Variants in PTK2 observed in about 807,000 individuals in gnomAD.
PTK2 encodes protein tyrosine kinase 2.
In PTK2, 45 loss-of-function variants were observed where a neutral mutation model predicts 150.1. That is an observed-to-expected ratio of 0.30 (90% CI 0.24 to 0.38). The LOEUF is 0.38. PTK2 is among the 10% of genes least tolerant of loss of function. PTK2 has a pLI of 1.00. For synonymous variants in PTK2, 432 were observed against 449.2 expected (o/e 0.96, Z 0.48); for missense variants, 919 against 1,307.3 (o/e 0.70, Z 4.58).
At chr8:140,809,974 C>A (rs2100100472) in intron 10 of PTK2, among the ~76,000 whole-genome samples, 1 of 152,126 alleles carries the variant, frequency 6.6e-6, no homozygotes, top group Non-Finnish European at 1.5e-5. Context: ...AGGGAAGGCA[C>A]TGAGAATGGA....
chr8:140,915,617 C>A (rs547813718), intron 2 of PTK2, among the ~76,000 whole-genome samples: 6 of 152,220 alleles, frequency 3.9e-5, no homozygotes, highest in Admixed American at 3.9e-4. Context: ...CATATCCAGG[C>A]CGGGCACGGT....
chr8:140,843,631 G>C (rs372481618), intron 7 of PTK2, among the ~76,000 whole-genome samples: 1 of 152,040 alleles, frequency 6.6e-6, no homozygotes, highest in South Asian at 2.1e-4. Context: ...TTAACTATTT[G>C]CCATCTATTG....
At chr8:140,911,039 C>A (rs943145682) in intron 2 of PTK2, among the ~76,000 whole-genome samples, 1 of 144,776 alleles carries the variant, frequency 6.9e-6, no homozygotes, top group Non-Finnish European at 1.5e-5. Flanking sequence ...CCACTATGCC[C>A]AGCTAAATTT....
At chr8:140,997,117 A>G (rs1203683165) in intron 1 of PTK2, among the ~76,000 whole-genome samples, 5 of 152,244 alleles carry the variant, frequency 3.3e-5, no homozygotes, top group Non-Finnish European at 2.9e-5. Flanking sequence ...CGACTTCAGT[A>G]GAGAAAGTAA....
At chr8:140,775,562 C>G (rs1159772423) in intron 14 of PTK2, among the ~76,000 whole-genome samples, 2 of 152,076 alleles carry the variant, frequency 1.3e-5, no homozygotes, top group Admixed American at 1.3e-4. Context: ...ATGCTGGTCT[C>G]TAACTCCTGG....
intron 4 of PTK2, among the ~76,000 whole-genome samples, chr8:140,874,057 T>C (rs1418825008): frequency 6.6e-6 from 1 of 152,224 alleles, no homozygotes; most frequent in Non-Finnish European, 1.5e-5. Context: ...GTACATCTCA[T>C]AGATTTGTGT....
intron 17 of PTK2, among the ~76,000 whole-genome samples, chr8:140,749,121 C>T (rs1281066236): frequency 6.6e-6 from 1 of 152,126 alleles, no homozygotes; most frequent in Non-Finnish European, 1.5e-5. Context: ...CAAGTTTTCC[C>T]TCATATTCCA....
At chr8:140,925,244 T>G (rs2100169024) in intron 2 of PTK2, among the ~76,000 whole-genome samples, 1 of 152,242 alleles carries the variant, frequency 6.6e-6, no homozygotes, top group Admixed American at 6.5e-5. Flanking sequence ...ATTCATATTA[T>G]ACATGCATAC....
At chr8:140,892,670 G>A in intron 2 of PTK2, 4 of 401,508 alleles carry the variant, frequency 1.0e-5, no homozygotes, top group Admixed American at 3.6e-5. Context: ...ACAGTAAAAG[G>A]AAAAAAATTA....
At chr8:140,764,453 G>A in intron 14 of PTK2, 163 bp from the exon 17 acceptor site, 1 of 601,476 alleles carries the variant, frequency 1.7e-6, no homozygotes, top group Non-Finnish European at 2.9e-6. Flanking sequence ...GTCATTTATG[G>A]AAATAAAAGT....
intron 1 of PTK2, 198 bp downstream of exon 1, chr8:141,000,927 C>G (rs1222743199): frequency 6.6e-6 from 1 of 151,672 alleles, no homozygotes; most frequent in Non-Finnish European, 1.5e-5. Flanking sequence ...CTCCTCACGG[C>G]CACCGGCCTC....
At chr8:140,949,609 C>T (rs2100178832) in intron 1 of PTK2, among the ~76,000 whole-genome samples, 1 of 152,246 alleles carries the variant, frequency 6.6e-6, no homozygotes, top group African/African-American at 2.4e-5. Flanking sequence ...GCTGACACAC[C>T]AGCCCCCTGC....
At chr8:140,753,921 T>C (rs999644617) in intron 16 of PTK2, among the ~76,000 whole-genome samples, 1 of 152,246 alleles carries the variant, frequency 6.6e-6, no homozygotes, top group Admixed American at 6.5e-5. Flanking sequence ...TAAATGAAGA[T>C]GTTCATTAAT....
At chr8:140,756,429 G>A (rs1231951522) in intron 16 of PTK2, among the ~76,000 whole-genome samples, 2 of 152,026 alleles carry the variant, frequency 1.3e-5, no homozygotes, top group Non-Finnish European at 2.9e-5. Flanking sequence ...CGGGCGCAGC[G>A]GCTCACACCT....
intron 12 of PTK2, among the ~76,000 whole-genome samples, chr8:140,794,726 A>C (rs1251066634): frequency 6.6e-6 from 1 of 152,044 alleles, no homozygotes; most frequent in East Asian, 1.9e-4. Flanking sequence ...CCCTGGCCTG[A>C]TGAAGATTAG....
chr8:140,974,175 C>A (rs2100188417), intron 1 of PTK2, among the ~76,000 whole-genome samples: 1 of 152,176 alleles, frequency 6.6e-6, no homozygotes, highest in Admixed American at 6.5e-5. Context: ...ATGCTCATAT[C>A]TCAACAACTG....
intron 5 of PTK2, among the ~76,000 whole-genome samples, chr8:140,859,540 T>C (rs933668033): frequency 1.3e-5 from 2 of 152,222 alleles, no homozygotes; most frequent in Non-Finnish European, 2.9e-5. Flanking sequence ...GTATCCATCT[T>C]AAATGTTTGC....
chr8:140,829,261 G>A (rs1414035790), intron 8 of PTK2, among the ~76,000 whole-genome samples: 2 of 145,892 alleles, frequency 1.4e-5, no homozygotes, highest in African/African-American at 2.6e-5. Context: ...AGATTATCAA[G>A]AAGCTATGTG....
At chr8:140,995,429 G>A (rs948888786) in intron 1 of PTK2, among the ~76,000 whole-genome samples, 1 of 150,994 alleles carries the variant, frequency 6.6e-6, no homozygotes, top group Admixed American at 6.6e-5. Flanking sequence ...GCCTCAAAGT[G>A]TTCAAGTGAA....
Sources: gnomAD v4.1 joint callset for allele counts (sites outside exome capture counted in the v4.1 genomes callset) on GRCh38, gnomAD v4.1.1 for gene constraint, MANE v1.5 for transcripts, NCBI Gene and HGNC (gene_info 2026-07-23, HGNC 2026-07-21) for gene names.